Variants in SUGCT observed in about 807,000 individuals in gnomAD.
SUGCT encodes the protein succinyl-CoA:glutarate-CoA transferase, also known as succinyl-CoA:glutarate CoA-transferase.
In SUGCT, 41 loss-of-function variants were observed where a neutral mutation model predicts 55.0. The ratio of observed to expected loss-of-function variants is 0.74; its 90% CI spans 0.58 to 0.97. The LOEUF is 0.97. Ranked by LOEUF, SUGCT falls within the 50% of genes least tolerant of loss-of-function variation. The pLI, the probability that SUGCT is intolerant of heterozygous loss-of-function variation, is 0.00. For missense variants in SUGCT, 568 were observed against 547.8 expected, an observed-to-expected ratio of 1.04 and a Z score of -0.37; for synonymous variants, 187 against 200.4, an observed-to-expected ratio of 0.93 and a Z score of 0.56.
chr7:40,193,614 T>G (rs1014512257), intron 5 of SUGCT, among the ~76,000 whole-genome samples: 15 of 151,646 alleles, frequency 9.9e-5, no homozygotes, highest in African/African-American at 3.6e-4. Context: ...TTTTTTTTTT[T>G]TTGAAGCAGG....
At chr7:40,874,357 G>T in the SUGCT span, among the ~76,000 whole-genome samples, 1 of 152,230 alleles carries the variant, frequency 6.6e-6, no homozygotes, top group Non-Finnish European at 1.5e-5. Context: ...GGGCCTAGAT[G>T]AGAGATAGTA....
intron 12 of SUGCT, among the ~76,000 whole-genome samples, chr7:40,653,959 A>G (rs1800897517): frequency 6.6e-6 from 1 of 152,118 alleles, no homozygotes; most frequent in African/African-American, 2.4e-5. Flanking sequence ...TTGCTTTCCT[A>G]CTGGAGACAT....
chr7:40,475,888 A>T (rs569643996), intron 11 of SUGCT, among the ~76,000 whole-genome samples: 1 of 149,888 alleles, frequency 6.7e-6, no homozygotes, highest in South Asian at 2.2e-4. Context: ...CTATCAAATT[A>T]TCTATCAATC....
chr7:40,167,181 A>G (rs764483250), intron 1 of SUGCT, among the ~76,000 whole-genome samples: 7 of 152,224 alleles, frequency 4.6e-5, no homozygotes, highest in Non-Finnish European at 1.0e-4. Context: ...GTATATCCAT[A>G]CAGTAGAGTG....
At chr7:40,807,325 T>G (rs943818236) in intron 13 of SUGCT, among the ~76,000 whole-genome samples, 1 of 152,186 alleles carries the variant, frequency 6.6e-6, no homozygotes, top group African/African-American at 2.4e-5. Context: ...CAAACCATCA[T>G]GCTTAATGTT....
At chr7:40,907,124 TGTGTGTGTGTGTGTGTGA>T in the SUGCT span, among the ~76,000 whole-genome samples, 7 of 76,956 alleles carry the variant, frequency 9.1e-5, no homozygotes, top group Middle Eastern at 6.3e-3. Flanking sequence ...TGTGTGTGTG[TGTGTGTGTGTGTGTGTGA>T]GAGAGAGAGA....
At chr7:40,158,457 A>G (rs892988624) in intron 1 of SUGCT, among the ~76,000 whole-genome samples, 1 of 152,200 alleles carries the variant, frequency 6.6e-6, no homozygotes, top group African/African-American at 2.4e-5. Flanking sequence ...TTATTTAAAA[A>G]TGAGTAAATA....
chr7:40,417,109 G>T (rs751404662), intron 9 of SUGCT, among the ~76,000 whole-genome samples: 1 of 151,496 alleles, frequency 6.6e-6, no homozygotes, highest in African/African-American at 2.4e-5. Flanking sequence ...TTTTCTGCTC[G>T]CCTTTCTTAT....
intron 12 of SUGCT, among the ~76,000 whole-genome samples, chr7:40,539,987 T>C (rs1406178541): frequency 6.6e-6 from 1 of 152,198 alleles, no homozygotes; most frequent in Non-Finnish European, 1.5e-5. Context: ...ATACTGGTTT[T>C]CCTACTGGTT....
At chr7:40,485,417 C>CTTTTTTTTTTTT (rs397889166) in intron 11 of SUGCT, among the ~76,000 whole-genome samples, 2 of 74,414 alleles carry the variant, frequency 2.7e-5, no homozygotes, top group Admixed American at 1.9e-4. Context: ...TATATACATT[C>CTTTTTTTTTTTT]TTTTTTTTTT....
chr7:40,376,377 C>T (rs542861404), intron 9 of SUGCT, among the ~76,000 whole-genome samples: 1 of 151,170 alleles, frequency 6.6e-6, no homozygotes, highest in Non-Finnish European at 1.5e-5. Flanking sequence ...CAATTTTTAT[C>T]TAATGTATCT....
chr7:40,932,845 C>A, the SUGCT span, among the ~76,000 whole-genome samples: 67 of 150,206 alleles, frequency 4.5e-4, no homozygotes, highest in African/African-American at 1.6e-3. Context: ...TGAGATGGGT[C>A]TCCTCAATAC....
At chr7:40,749,193 G>A (rs924770594) in intron 12 of SUGCT, among the ~76,000 whole-genome samples, 24 of 152,086 alleles carry the variant, frequency 1.6e-4, no homozygotes, top group Non-Finnish European at 8.8e-5. Flanking sequence ...AGAGTGGGAA[G>A]GTCTTATTGA....
At chr7:40,945,437 T>C in the SUGCT span, among the ~76,000 whole-genome samples, 1 of 152,272 alleles carries the variant, frequency 6.6e-6, no homozygotes, top group South Asian at 2.1e-4. Flanking sequence ...CCTGTGGAGA[T>C]GCAGTCACCC....
chr7:40,608,208 T>A (rs1251973208), intron 12 of SUGCT, among the ~76,000 whole-genome samples: 1 of 152,198 alleles, frequency 6.6e-6, no homozygotes, highest in Non-Finnish European at 1.5e-5. Flanking sequence ...TATAGCTAAT[T>A]TACAACTTTC....
At chr7:40,567,226 C>T (rs1796203102) in intron 12 of SUGCT, among the ~76,000 whole-genome samples, 1 of 152,304 alleles carries the variant, frequency 6.6e-6, no homozygotes, top group South Asian at 2.1e-4. Flanking sequence ...AGCTTTTGAA[C>T]CAGTGCTTAA....
At chr7:40,379,581 C>G (rs1441232370) in intron 9 of SUGCT, among the ~76,000 whole-genome samples, 1 of 152,026 alleles carries the variant, frequency 6.6e-6, no homozygotes, top group East Asian at 1.9e-4. Context: ...AGTTTATATT[C>G]TTTGTTGTAT....
chr7:40,953,085 A>G, the SUGCT span, among the ~76,000 whole-genome samples: 1 of 152,180 alleles, frequency 6.6e-6, no homozygotes, highest in African/African-American at 2.4e-5. Context: ...CCTTTCAGTT[A>G]CACCAATCAG....
chr7:40,326,972 T>C (rs1180213072), intron 9 of SUGCT, among the ~76,000 whole-genome samples: 1 of 152,210 alleles, frequency 6.6e-6, no homozygotes, highest in East Asian at 1.9e-4. Flanking sequence ...ATGTCGATAA[T>C]GCTTACCCAT....
Sources: gnomAD v4.1 joint callset for allele counts (sites outside exome capture counted in the v4.1 genomes callset) on GRCh38, gnomAD v4.1.1 for gene constraint, MANE v1.5 for transcripts, NCBI Gene and HGNC (gene_info 2026-07-23, HGNC 2026-07-21) for gene names.